UFM1: variants seen among roughly 807,000 people sequenced by gnomAD.
UFM1 encodes the protein ubiquitin-fold modifier 1.
In UFM1, 9 loss-of-function variants were observed where a neutral mutation model predicts 15.4. That is an observed-to-expected ratio of 0.59 (90% CI 0.35 to 1.02). The LOEUF (loss-of-function observed/expected upper bound fraction) is 1.02. Among genes scored for constraint, UFM1 ranks in the 50% least tolerant of loss-of-function variants. The pLI, the probability that UFM1 is intolerant of heterozygous loss-of-function variation, is 0.02. For synonymous variants in UFM1, 27 were observed against 36.3 expected (o/e 0.74, Z 0.92); for missense variants, 98 against 104.7 (o/e 0.94, Z 0.28).
At chr13:38,357,678 CACAG>C (rs1426508266) in intron 3 of UFM1, among the ~76,000 whole-genome samples, 1 of 151,862 alleles carries the variant, frequency 6.6e-6, no homozygotes, top group African/African-American at 2.4e-5. Context: ...TTACTGATAA[CACAG>C]ACAGGCGATT....
intron 2 of UFM1, chr13:38,350,368 A>C (rs1593294027): frequency 1.1e-6 from 1 of 904,746 alleles, no homozygotes; most frequent in East Asian, 2.6e-5. Context: ...AGGTTCTGGT[A>C]ATTTGTTGGG....
chr13:38,357,258 C>T lies in UFM1; in HGVS notation c.118-835C>T, dbSNP rs115547779. Among the ~76,000 whole-genome samples the T allele has an allele frequency of 3.8e-3, 582 of 152,024 alleles. 2 individuals are homozygous for T. Among genetic ancestry groups the T allele is most frequent in the African/African-American group, 0.013 (558 of 41,546 alleles). On this transcript the variant is annotated intron_variant, in intron 3 of 5. Transcript: ENST00000239878. ...TTCGGTAGGCACCTCCCATTAAACA[C>T]AGAGAGCATCTGTTCAGATCTTGCA...
At chr13:38,359,564 G>T in intron 5 of UFM1, 1 of 376,782 alleles carries the variant, frequency 2.7e-6, no homozygotes, top group African/African-American at 2.1e-5. Context: ...AGTGGCTTAA[G>T]CATTAAGAGT....
chr13:38,362,516 T>C lies in UFM1; in HGVS notation c.*1738T>C, dbSNP rs1166211436. On this transcript the variant is annotated 3_prime_UTR_variant, in exon 6 of 6. Coordinates refer to ENST00000239878, the MANE Select transcript of UFM1 (RefSeq NM_016617.4). Reference sequence around the variant, plus strand: ...TCTCTGTCGCCAGGCTTCTCCTGCCTCAGCCTCACGAGTAGCTGGGACTAC... The same window carrying C: ...TCTCTGTCGCCAGGCTTCTCCTGCCCCAGCCTCACGAGTAGCTGGGACTAC... 1 of 150,088 alleles carries C rather than the reference T, an allele frequency of 6.7e-6. No homozygotes were observed. The highest frequency in any genetic ancestry group is 1.5e-5 in the Non-Finnish European group (1 of 67,572). 9.3% of individuals were successfully genotyped at this position (150,088 alleles called of 1,614,324 possible).
chr13:38,351,885 C>T lies in UFM1; in HGVS notation c.59+1830C>T, dbSNP rs1306417603. Reference sequence around the variant, plus strand: ...TAAGGATGTGTGTGTGGAAAATTCACATAACGTGTAAATGTGTGTACAAGG... The same window carrying T: ...TAAGGATGTGTGTGTGGAAAATTCATATAACGTGTAAATGTGTGTACAAGG... On this transcript the variant is annotated intron_variant, in intron 2 of 5. Coordinates refer to ENST00000239878, the MANE Select transcript of UFM1 (RefSeq NM_016617.4). Among the ~76,000 whole-genome samples, 8 of 152,100 alleles carry T rather than the reference C, an allele frequency of 5.3e-5. No individual in the cohort carries two copies. In the South Asian group the frequency reaches 1.5e-3, roughly 28 times the overall value.
At chr13:38,359,271 A>G (rs969259701) in intron 4 of UFM1, 30 bp from the exon 5 acceptor site, 32 of 1,602,900 alleles carry the variant, frequency 2.0e-5, no homozygotes, top group Non-Finnish European at 2.6e-5. Context: ...TTTAGAAATA[A>G]TGTATGTGAT....
chr13:38,349,993 C>T lies in UFM1; in HGVS notation c.3-6C>T, dbSNP rs1433407864. On this transcript the variant is annotated splice_region_variant and splice_polypyrimidine_tract_variant and intron_variant, in intron 1 of 5. Transcript: ENST00000239878. ...GACCCTGACTCTCTCCCGCTCTTTT[C>T]CTCAGGTCGAAGGTTTCCTTTAAGA... is the stretch of plus-strand genomic sequence containing the variant. The T allele has an allele frequency of 2.5e-6, 4 of 1,614,092 alleles. No individual in the cohort carries two copies. Among genetic ancestry groups the T allele is most frequent in the East Asian group, 2.2e-5 (1 of 44,880 alleles).
chr13:38,350,697 T>C (rs975996374), intron 2 of UFM1, among the ~76,000 whole-genome samples: 7 of 152,186 alleles, frequency 4.6e-5, no homozygotes, highest in African/African-American at 1.2e-4. Context: ...GTGATAGATT[T>C]TAAGTAAACA....
chr13:38,357,029 T>A (rs1283642894), intron 3 of UFM1, among the ~76,000 whole-genome samples: 1 of 151,974 alleles, frequency 6.6e-6, no homozygotes, highest in African/African-American at 2.4e-5. Context: ...ACACATCTTT[T>A]TAAACATCTC....
rs545292419 is a variant in UFM1, at chr13:38,354,543, A to AT, written c.117+252dup. 9.9e-4 allele frequency: 346 copies of AT among 349,534 alleles called. 1 individual carries two copies. Among genetic ancestry groups the AT allele is most frequent in the Middle Eastern group, 2.0e-3 (5 of 2,550 alleles). 21.7% of individuals were successfully genotyped at this position (349,534 alleles called of 1,614,324 possible). The stretch of plus-strand genomic sequence containing the variant: ...AAGAATTTAATGAATTTTTATGAGA[A>AT]TTTTTATGAAAACTAAAAAGGTGCT... On this transcript the variant is annotated intron_variant, in intron 3 of 5. Coordinates refer to ENST00000239878, the MANE Select transcript of UFM1 (RefSeq NM_016617.4).
chr13:38,352,102 C>T (rs201000850), intron 2 of UFM1, among the ~76,000 whole-genome samples: 5 of 105,300 alleles, frequency 4.7e-5, no homozygotes, highest in African/African-American at 6.3e-5. Context: ...TTCTTTCTTT[C>T]TTTTTTTTTT....
intron 3 of UFM1, among the ~76,000 whole-genome samples, chr13:38,355,554 T>C (rs1212937535): frequency 6.6e-6 from 1 of 151,944 alleles, no homozygotes; most frequent in African/African-American, 2.4e-5. Context: ...AAAGGCATTT[T>C]TTGTGATCTT....
chr13:38,355,193 TACTTC>T (rs1879042017), intron 3 of UFM1, among the ~76,000 whole-genome samples: 1 of 152,074 alleles, frequency 6.6e-6, no homozygotes, highest in Non-Finnish European at 1.5e-5. Context: ...TCCTGCCCTG[TACTTC>T]ACTGATTTAT....
rs970033832 is a variant in UFM1 at position 38,363,358 on chromosome 13, A to G, written c.*2580A>G. The G allele has an allele frequency of 6.6e-6, 1 of 152,188 alleles. No individual in the cohort carries two copies. Among genetic ancestry groups the G allele is most frequent in the East Asian group, 1.9e-4 (1 of 5,206 alleles). 9.4% of individuals were successfully genotyped at this position (152,188 alleles called of 1,614,324 possible). A position where few individuals can be genotyped will look rare whatever the true frequency, so the allele number is the denominator to read the frequency against. On this transcript the variant is annotated 3_prime_UTR_variant, in exon 6 of 6. Transcript: ENST00000239878. ...AAATAGCCTAAGTTTGTAGTAGGTG[A>G]CATCAACTAGGTTTGTACAAGTACA...
chr13:38,361,077 A>T lies in UFM1; in HGVS notation c.*299A>T. Reference sequence around the variant, plus strand: ...AACTGTTAACTGGAAGCTTTTGATAATTTTTTTTTTTAGAACAATTTGGAA... The same window carrying T: ...AACTGTTAACTGGAAGCTTTTGATATTTTTTTTTTTTAGAACAATTTGGAA... On this transcript the variant is annotated 3_prime_UTR_variant, in exon 6 of 6. Transcript: ENST00000239878. 1.9e-5 allele frequency: 4 copies of T among 215,338 alleles called. No individual in the cohort carries two copies. The highest frequency in any genetic ancestry group is 9.5e-5 in the East Asian group (1 of 10,582). 13.3% of individuals were successfully genotyped at this position (215,338 alleles called of 1,614,324 possible). A position where few individuals can be genotyped will look rare whatever the true frequency, so the allele number is the denominator to read the frequency against.
chr13:38,354,099 G>A, intron 2 of UFM1, 140 bp from the exon 3 acceptor site: 1 of 626,892 alleles, frequency 1.6e-6, no homozygotes, highest in Non-Finnish European at 2.8e-6. Context: ...AAAGAATGTA[G>A]TATGCAATCA....
rs1879365450 is a variant in UFM1, at chr13:38,361,163, AC to A, written c.*388del. ...GATAAAAATATAAAAAGAATTATGG[AC>A]CCTGGATGGCAATTTGCTTGATAGC... is the stretch of plus-strand genomic sequence containing the variant. On this transcript the variant is annotated 3_prime_UTR_variant, in exon 6 of 6. Coordinates refer to ENST00000239878, the MANE Select transcript of UFM1 (RefSeq NM_016617.4). 6.4e-6 allele frequency: 1 copy of A among 156,464 alleles called. No homozygotes were observed. The highest frequency in any genetic ancestry group is 1.4e-5 in the Non-Finnish European group (1 of 71,020). 9.7% of individuals were successfully genotyped at this position (156,464 alleles called of 1,614,324 possible). A position where few individuals can be genotyped will look rare whatever the true frequency, so the allele number is the denominator to read the frequency against.
At chr13:38,357,943 T>G (rs1055773761) in intron 3 of UFM1, 150 bp from the exon 4 acceptor site, 4 of 367,194 alleles carry the variant, frequency 1.1e-5, no homozygotes, top group Admixed American at 1.0e-4. Context: ...AGCTGTACTT[T>G]CCTTGATAGT....
chr13:38,356,340 A>G (rs1322536663), intron 3 of UFM1, among the ~76,000 whole-genome samples: 1 of 151,854 alleles, frequency 6.6e-6, no homozygotes, highest in African/African-American at 2.4e-5. Context: ...TGAGAGGCCT[A>G]TATAGTTCAT....
Sources: gnomAD v4.1 joint callset for allele counts (sites outside exome capture counted in the v4.1 genomes callset) on GRCh38, gnomAD v4.1.1 for gene constraint, MANE v1.5 for transcripts, NCBI Gene and HGNC (gene_info 2026-07-23, HGNC 2026-07-21) for gene names.